ADAMTS6: variants seen among roughly 807,000 people sequenced by gnomAD.
ADAMTS6 encodes ADAM metallopeptidase with thrombospondin type 1 motif 6, also known as A disintegrin and metalloproteinase with thrombospondin motifs 6.
A neutral mutation model predicts 144.3 loss-of-function variants in ADAMTS6; 23 were observed. The ratio of observed to expected loss-of-function variants is 0.16; its 90% CI spans 0.11 to 0.23. ADAMTS6 has a LOEUF of 0.23. ADAMTS6 is among the 10% of genes least tolerant of loss of function. The pLI, the probability that ADAMTS6 is intolerant of heterozygous loss-of-function variation, is 1.00. For synonymous variants in ADAMTS6, 444 were observed against 457.5 expected, an observed-to-expected ratio of 0.97 and a Z score of 0.38; for missense variants, 999 against 1,379.6, an observed-to-expected ratio of 0.72 and a Z score of 4.37.
intron 12 of ADAMTS6, among the ~76,000 whole-genome samples, chr5:65,267,681 C>T (rs1761727306): frequency 6.6e-6 from 1 of 151,990 alleles, no homozygotes; most frequent in African/African-American, 2.4e-5. Flanking sequence ...TGAAGGAAAA[C>T]TTCAAGATGA....
rs1761227439 is a variant in ADAMTS6 at position 65,481,856 on chromosome 5, C to G, written c.-793G>C. The G allele has an allele frequency of 6.6e-6, 1 of 152,436 alleles. No homozygotes were observed. The highest frequency in any genetic ancestry group is 6.5e-5 in the Admixed American group (1 of 15,276). The allele number at this position is 152,436 out of a possible 1,614,324, so 9.4% of individuals were successfully genotyped here. On this transcript the variant is annotated 5_prime_UTR_variant, in exon 1 of 25. Transcript: ENST00000381055. ...GTAGCCCTAGATCTCACTACCGGCC[C>G]CCAGCCAACTTGAATTGCAGCAGGA...
At chr5:65,409,171 GA>G (rs1195745371) in intron 7 of ADAMTS6, among the ~76,000 whole-genome samples, 2 of 152,108 alleles carry the variant, frequency 1.3e-5, no homozygotes, top group Non-Finnish European at 2.9e-5. Context: ...GAAGGAGACA[GA>G]GACATAAAAA....
At chr5:65,282,458 A>T (rs1254904870) in intron 11 of ADAMTS6, among the ~76,000 whole-genome samples, 1 of 152,066 alleles carries the variant, frequency 6.6e-6, no homozygotes, top group Non-Finnish European at 1.5e-5. Flanking sequence ...TTCTTATTAG[A>T]CTTAAAAAGG....
intron 7 of ADAMTS6, among the ~76,000 whole-genome samples, chr5:65,334,862 T>G (rs1234347049): frequency 2.0e-5 from 3 of 152,174 alleles, no homozygotes; most frequent in Non-Finnish European, 1.5e-5. Flanking sequence ...AGTATATCCT[T>G]GTAAACATTT....
intron 7 of ADAMTS6, among the ~76,000 whole-genome samples, chr5:65,427,952 G>A (rs954106304): frequency 2.6e-5 from 4 of 151,918 alleles, no homozygotes; most frequent in African/African-American, 9.7e-5. Flanking sequence ...AAGAAGGCCA[G>A]GCACGGCTCA....
chr5:65,301,887 G>A (rs966986748), intron 9 of ADAMTS6, among the ~76,000 whole-genome samples: 8 of 151,812 alleles, frequency 5.3e-5, no homozygotes, highest in Admixed American at 2.6e-4. Flanking sequence ...TCAGGAGCTC[G>A]AGACTAGCCT....
At chr5:65,244,773 TG>T (rs1043337170) in intron 14 of ADAMTS6, among the ~76,000 whole-genome samples, 6 of 152,282 alleles carry the variant, frequency 3.9e-5, no homozygotes, top group African/African-American at 1.4e-4. Flanking sequence ...ACGATAAGTG[TG>T]GGAGTCTCCT....
At chr5:65,190,570 C>G (rs562873108) in intron 21 of ADAMTS6, among the ~76,000 whole-genome samples, 7 of 152,086 alleles carry the variant, frequency 4.6e-5, no homozygotes, top group Non-Finnish European at 8.8e-5. Flanking sequence ...GGGATGGAGG[C>G]CTTCAAATTA....
chr5:65,158,835 C>T (rs1752580657), intron 24 of ADAMTS6, among the ~76,000 whole-genome samples: 1 of 152,152 alleles, frequency 6.6e-6, no homozygotes, highest in Non-Finnish European at 1.5e-5. Context: ...TCCCATTTCC[C>T]TCTTGCTATT....
chr5:65,224,256 T>C (rs941305237), intron 18 of ADAMTS6, 64 bp downstream of exon 18: 2 of 1,341,436 alleles, frequency 1.5e-6, no homozygotes, highest in Non-Finnish European at 2.1e-6. Context: ...TCCTTCATGA[T>C]ACTGTGCTAC....
intron 8 of ADAMTS6, among the ~76,000 whole-genome samples, chr5:65,331,003 C>A (rs1746666719): frequency 6.6e-6 from 1 of 151,632 alleles, no homozygotes; most frequent in Non-Finnish European, 1.5e-5. Context: ...AAGAGACAGA[C>A]ACACACAGTG....
intron 7 of ADAMTS6, 74 bp from the exon 8 acceptor site, chr5:65,334,159 C>CAGGAGAGAAG: frequency 6.9e-7 from 1 of 1,442,838 alleles, no homozygotes; most frequent in Non-Finnish European, 9.3e-7. Context: ...CATCATACTT[C>CAGGAGAGAAG]TCTCCTGAAG....
intron 14 of ADAMTS6, among the ~76,000 whole-genome samples, chr5:65,246,875 T>A (rs577614158): frequency 6.6e-6 from 1 of 152,280 alleles, no homozygotes; most frequent in Admixed American, 6.5e-5. Context: ...GAATTATATA[T>A]GCTGGTTTGA....
At chr5:65,472,598 A>G (rs1023640905) in intron 2 of ADAMTS6, among the ~76,000 whole-genome samples, 1 of 152,188 alleles carries the variant, frequency 6.6e-6, no homozygotes, top group East Asian at 1.9e-4. Flanking sequence ...AACATTTTCC[A>G]TCTACCTTCT....
chr5:65,170,241 A>T (rs1251068031), intron 24 of ADAMTS6, among the ~76,000 whole-genome samples: 1 of 152,212 alleles, frequency 6.6e-6, no homozygotes, highest in Non-Finnish European at 1.5e-5. Flanking sequence ...AATGATAGAG[A>T]TCCACTGTCA....
chr5:65,205,376 A>C (rs1166333903), intron 20 of ADAMTS6, among the ~76,000 whole-genome samples: 1 of 152,208 alleles, frequency 6.6e-6, no homozygotes, highest in African/African-American at 2.4e-5. Context: ...AATTGACAAA[A>C]AATTAAAAGG....
At chr5:65,256,985 CTTTTTTTTTTT>C (rs545846781) in intron 14 of ADAMTS6, among the ~76,000 whole-genome samples, 1 of 88,678 alleles carries the variant, frequency 1.1e-5, no homozygotes, top group African/African-American at 5.7e-5. Context: ...CTCTCTCTCT[CTTTTTTTTTTT>C]TTTTTTTTTT....
intron 22 of ADAMTS6, among the ~76,000 whole-genome samples, chr5:65,187,260 G>T (rs998713970): frequency 1.3e-5 from 2 of 152,166 alleles, no homozygotes; most frequent in Admixed American, 1.3e-4. Context: ...CATGGATACT[G>T]AGGAGTCAAA....
intron 10 of ADAMTS6, among the ~76,000 whole-genome samples, chr5:65,292,929 A>C (rs555543522): frequency 5.3e-5 from 8 of 152,170 alleles, no homozygotes; most frequent in African/African-American, 1.9e-4. Flanking sequence ...TTTCCTTTTT[A>C]TTATACTTTT....
Sources: gnomAD v4.1 joint callset for allele counts (sites outside exome capture counted in the v4.1 genomes callset) on GRCh38, gnomAD v4.1.1 for gene constraint, MANE v1.5 for transcripts, NCBI Gene and HGNC (gene_info 2026-07-23, HGNC 2026-07-21) for gene names.